SNX8: variants seen among roughly 807,000 people sequenced by gnomAD.
The protein encoded by SNX8 is sorting nexin 8.
In SNX8, 25 loss-of-function variants were observed where a neutral mutation model predicts 51.6. That is an observed-to-expected ratio of 0.48 (90% CI 0.35 to 0.68). The LOEUF (loss-of-function observed/expected upper bound fraction) is 0.68, where lower values mean the gene tolerates loss of function less well. Ranked by LOEUF, SNX8 falls within the 30% of genes least tolerant of loss-of-function variation. The pLI is 0.00. For synonymous variants in SNX8, 324 were observed against 277.0 expected, an observed-to-expected ratio of 1.17 and a Z score of -1.68; for missense variants, 695 against 624.0, an observed-to-expected ratio of 1.11 and a Z score of -1.21.
At chr7:2,323,812 T>TA (rs1778580517) in intron 1 of SNX8, among the ~76,000 whole-genome samples, 3 of 152,164 alleles carry the variant, frequency 2.0e-5, no homozygotes, top group Admixed American at 2.0e-4. Flanking sequence ...CTTGGTTTTT[T>TA]GTTTTTGTTT....
chr7:2,345,990 T>G (rs955455062), intron 1 of SNX8, among the ~76,000 whole-genome samples: 8 of 152,062 alleles, frequency 5.3e-5, no homozygotes, highest in South Asian at 2.1e-4. Context: ...GTATTTTTAG[T>G]AGAGACAGGG....
chr7:2,258,519 A>G (rs1795254131), intron 7 of SNX8, among the ~76,000 whole-genome samples: 1 of 151,996 alleles, frequency 6.6e-6, no homozygotes, highest in Non-Finnish European at 1.5e-5. Flanking sequence ...CCGAGTTCCC[A>G]TATAACGCTG....
intron 1 of SNX8, among the ~76,000 whole-genome samples, chr7:2,308,284 A>T (rs1247748009): frequency 6.6e-6 from 1 of 152,110 alleles, no homozygotes; most frequent in Non-Finnish European, 1.5e-5. Context: ...AGCCAGAATT[A>T]AAAAAAGAAA....
At chr7:2,271,819 G>A (rs768623131) in intron 4 of SNX8, 31 bp downstream of exon 4, 76 of 1,577,198 alleles carry the variant, frequency 4.8e-5, no homozygotes, top group East Asian at 4.6e-5. Flanking sequence ...ACTCCCCGGG[G>A]CCGGGACATG....
At position 2,278,151 on chromosome 7, in the gene SNX8, C is replaced by T. The variant is rs1405547467; in HGVS notation, c.249G>A (p.Pro83=). ...GCTTCAGGAAGAGGCCCTTCTTCTC[C>T]GGAATGAGCTCCACCTGCACGGTGT... The part of the protein sequence containing the change: ...ARDTVQVELI[P]EKKGLFLKHV... Residue 83 remains proline, a synonymous_variant, in exon 2 of 11, where the codon CCG becomes CCA. Transcript: ENST00000222990. 7 of 1,614,134 alleles carry T rather than the reference C, an allele frequency of 4.3e-6. No homozygotes were observed. Among genetic ancestry groups the T allele is most frequent in the South Asian group, 2.2e-5 (2 of 91,072 alleles).
At chr7:2,333,125 G>C (rs1428608536) in intron 1 of SNX8, among the ~76,000 whole-genome samples, 1 of 151,282 alleles carries the variant, frequency 6.6e-6, no homozygotes, top group African/African-American at 2.4e-5. Flanking sequence ...TGTTGCCCAG[G>C]CTGGTCTTGA....
intron 1 of SNX8, among the ~76,000 whole-genome samples, chr7:2,344,066 T>C (rs1328778643): frequency 6.8e-6 from 1 of 146,662 alleles, no homozygotes; most frequent in African/African-American, 2.5e-5. Context: ...TAGCCAGGTG[T>C]GGTGCCGTGC....
At position 2,278,289 on chromosome 7, in the gene SNX8, C is replaced by T; in HGVS notation, c.111G>A (p.Gln37=). The change falls in exon 2 of 11, where the codon CAG becomes CAA. Residue 37 remains glutamine (Q), a synonymous_variant. Coordinates refer to ENST00000222990, the MANE Select transcript of SNX8 (RefSeq NM_013321.4). ...GCACGATGGCCTGGGGCTCGATGGC[C>T]TGGGGTGTCGGCAGATCTGCAGGGG... is the stretch of plus-strand genomic sequence containing the variant. ...DPPASDLPTP[Q]AIEPQAIVQQ... 1.9e-6 allele frequency: 3 copies of T among 1,583,162 alleles called. No individual in the cohort carries two copies. In the South Asian group the frequency reaches 3.4e-5, roughly 18 times the overall value.
At chr7:2,304,326 C>G (rs886422320) in intron 1 of SNX8, among the ~76,000 whole-genome samples, 1 of 151,562 alleles carries the variant, frequency 6.6e-6, no homozygotes, top group African/African-American at 2.4e-5. Context: ...GGGCAGATCA[C>G]GAGGTCAGGA....
intron 1 of SNX8, among the ~76,000 whole-genome samples, chr7:2,304,299 CT>C: frequency 6.6e-6 from 1 of 152,100 alleles, no homozygotes; most frequent in African/African-American, 2.4e-5. Context: ...AATCCCAGCA[CT>C]TTGGGAGGCC....
intron 1 of SNX8, among the ~76,000 whole-genome samples, chr7:2,323,451 T>C (rs1300909348): frequency 2.0e-5 from 3 of 152,014 alleles, no homozygotes; most frequent in Non-Finnish European, 4.4e-5. Flanking sequence ...GGCTATATCA[T>C]GCTGCAGTAA....
At chr7:2,345,980 G>T (rs1330933241) in intron 1 of SNX8, among the ~76,000 whole-genome samples, 1 of 151,672 alleles carries the variant, frequency 6.6e-6, no homozygotes, top group Non-Finnish European at 1.5e-5. Context: ...GCTAATTTTT[G>T]TATTTTTAGT....
upstream of SNX8, among the ~76,000 whole-genome samples, chr7:2,314,732 C>T (rs1316377723): frequency 1.3e-5 from 2 of 152,214 alleles, no homozygotes; most frequent in African/African-American, 4.8e-5. Context: ...CTGCACCCAC[C>T]GCACCCTCAT....
intron 1 of SNX8, among the ~76,000 whole-genome samples, chr7:2,340,481 T>C (rs1583124374): frequency 6.6e-6 from 1 of 152,154 alleles, no homozygotes; most frequent in African/African-American, 2.4e-5. Flanking sequence ...TCCCTGTTTC[T>C]GTTCTTTTAA....
intron 1 of SNX8, among the ~76,000 whole-genome samples, chr7:2,311,763 C>T (rs900841898): frequency 3.3e-5 from 5 of 151,932 alleles, no homozygotes; most frequent in African/African-American, 4.8e-5. Context: ...TGGTGAAACC[C>T]CGTCTCTACT....
At chr7:2,264,195 GAT>G (rs1217347874) in intron 6 of SNX8, 101 bp downstream of exon 6, 2 of 1,146,044 alleles carry the variant, frequency 1.7e-6, no homozygotes, top group African/African-American at 3.0e-5. Context: ...AACAGGTCAG[GAT>G]GCTGGTTATT....
At chr7:2,269,299 C>T (rs377171218) in intron 5 of SNX8, among the ~76,000 whole-genome samples, 1,583 of 149,190 alleles carry the variant, frequency 0.011, 6 homozygotes, top group Admixed American at 0.021. Flanking sequence ...CTTTGTTAAA[C>T]AGATGCTTGA....
intron 1 of SNX8, among the ~76,000 whole-genome samples, chr7:2,297,004 G>A (rs1796287696): frequency 6.6e-6 from 1 of 151,946 alleles, no homozygotes; most frequent in Non-Finnish European, 1.5e-5. Flanking sequence ...CCATCACAGG[G>A]ACATGCAAAT....
chr7:2,278,609 T>A (rs1388642086), intron 1 of SNX8, among the ~76,000 whole-genome samples: 1 of 145,260 alleles, frequency 6.9e-6, no homozygotes, highest in Non-Finnish European at 1.5e-5. Context: ...CACTACGGAG[T>A]CGACGCCGGA....
Sources: gnomAD v4.1 joint callset for allele counts (sites outside exome capture counted in the v4.1 genomes callset) on GRCh38, gnomAD v4.1.1 for gene constraint, MANE v1.5 for transcripts, NCBI Gene and HGNC (gene_info 2026-07-23, HGNC 2026-07-21) for gene names.